Variants in CTBP1 observed in about 807,000 individuals in gnomAD.
CTBP1 encodes C-terminal-binding protein 1.
CTBP1 carries 11 observed loss-of-function variants against 42.1 expected under a neutral mutation model. That is an observed-to-expected ratio of 0.26 (90% CI 0.16 to 0.43). The LOEUF is 0.43. Ranked by LOEUF, CTBP1 falls within the 20% of genes least tolerant of loss-of-function variation. The pLI, the probability that CTBP1 is intolerant of heterozygous loss-of-function variation, is 1.00. For missense variants in CTBP1, 399 were observed against 624.3 expected, an observed-to-expected ratio of 0.64 and a Z score of 3.85; for synonymous variants, 324 against 277.1, an observed-to-expected ratio of 1.17 and a Z score of -1.68.
Position 1,242,068 on chromosome 4 carries a change from C to A in CTBP1, c.-188-549G>T, listed in dbSNP as rs562866651. 8.1e-6 allele frequency: 8 copies of A among 987,366 alleles called. No individual in the cohort carries two copies. In the African/African-American group the frequency reaches 1.4e-4, roughly 17 times the overall value. The allele number at this position is 987,366 out of a possible 1,614,324, so 61.2% of individuals were successfully genotyped here. ...TGAGCCGCGCCGGCTCCACCTCCGA[C>A]CCTCAGTGCATCCTGGCGACGCTCC... On this transcript the variant is annotated intron_variant, in intron 1 of 9. Coordinates refer to ENST00000382952, the MANE Select transcript of CTBP1 (RefSeq NM_001012614.2).
chr4:1,228,055 C>T lies in CTBP1; in HGVS notation c.307+144G>A, dbSNP rs1232103465. 2.7e-6 allele frequency: 3 copies of T among 1,121,264 alleles called. No homozygotes were observed. In the African/African-American group the frequency reaches 4.7e-5, roughly 17 times the overall value. 69.5% of individuals were successfully genotyped at this position (1,121,264 alleles called of 1,614,324 possible). A position where few individuals can be genotyped will look rare whatever the true frequency, so the allele number is the denominator to read the frequency against. ...GAATGGCTGCAACCTCATGCCGGCC[C>T]CAGACGGGACCACGAACCACCGCCA... On this transcript the variant is annotated intron_variant, in intron 4 of 9. Transcript: ENST00000382952.
chr4:1,239,074 G>C (rs1370866309), intron 2 of CTBP1, among the ~76,000 whole-genome samples: 1 of 152,366 alleles, frequency 6.6e-6, no homozygotes, highest in South Asian at 2.1e-4. Flanking sequence ...AGGAAGAAAA[G>C]GGTTAAAACC....
chr4:1,244,515 C>A, intron 1 of CTBP1: 1 of 985,260 alleles, frequency 1.0e-6, no homozygotes, highest in Non-Finnish European at 1.2e-6. Context: ...CACTGGCCAG[C>A]CCTGCTGGGC....
In CTBP1 at chr4:1,214,459, G is replaced by T. The variant is rs1323257573; in HGVS notation, c.744C>A (p.Ala248=). Residue 248 remains alanine (A), a synonymous_variant, in exon 7 of 10, where the codon GCC becomes GCA. Transcript: ENST00000382952. ...DFTVKQMRQG[A]FLVNTARGGL... ...CACCCCGGGCTGTGTTCACCAGGAA[G>T]GCCCCTTGTCTCATCTAGAAGACAT... 1 of 1,590,512 alleles carries T rather than the reference G, an allele frequency of 6.3e-7. No homozygotes were observed. Among genetic ancestry groups the T allele is most frequent in the South Asian group, 1.1e-5 (1 of 87,644 alleles).
chr4:1,215,952 C>T, intron 6 of CTBP1, 39 bp downstream of exon 6: 1 of 1,566,962 alleles, frequency 6.4e-7, no homozygotes, highest in Non-Finnish European at 8.6e-7. Context: ...CTGTACCTGC[C>T]CCGCAGAAGT....
In CTBP1 at chr4:1,221,142, C is replaced by T. The variant is rs1016975164; in HGVS notation, c.514+4218G>A. ...CCTGACGCAGACCACGTGAGGGCTT[C>T]GTAACCAACACGAAAAAGACGGCCG... On this transcript the variant is annotated intron_variant, in intron 5 of 9. Coordinates refer to ENST00000382952, the MANE Select transcript of CTBP1 (RefSeq NM_001012614.2). Among the ~76,000 whole-genome samples the T allele has an allele frequency of 2.5e-4, 38 of 152,342 alleles. 1 individual carries two copies. Among genetic ancestry groups the T allele is most frequent in the East Asian group, 1.9e-4 (1 of 5,188 alleles).
intron 5 of CTBP1, among the ~76,000 whole-genome samples, chr4:1,221,234 G>A (rs1277840248): frequency 6.6e-6 from 1 of 152,142 alleles, no homozygotes; most frequent in Non-Finnish European, 1.5e-5. Context: ...GAAACTATAG[G>A]TTAAAATTAA....
chr4:1,243,396 C>T, intron 1 of CTBP1: 1 of 985,376 alleles, frequency 1.0e-6, no homozygotes, highest in Non-Finnish European at 1.2e-6. Flanking sequence ...CCCTGCCAGA[C>T]CTGAGGGGCT....
chr4:1,241,449 G>T lies in CTBP1; in HGVS notation c.-118C>A. ...GGAGCCTCATCCCACGTCCTTAATT[G>T]TCTCGAGCCAAAGTGCTCAGGCTTC... On this transcript the variant is annotated 5_prime_UTR_variant, in exon 2 of 10. Transcript: ENST00000382952. 6.3e-7 allele frequency: 1 copy of T among 1,584,704 alleles called. No individual in the cohort carries two copies. Among genetic ancestry groups the T allele is most frequent in the Non-Finnish European group, 8.7e-7 (1 of 1,154,956 alleles).
chr4:1,228,139 A>C, intron 4 of CTBP1, 60 bp downstream of exon 4: 1 of 1,595,086 alleles, frequency 6.3e-7, no homozygotes, highest in South Asian at 1.1e-5. Flanking sequence ...TCCATGGACG[A>C]AGCAAGACGG....
intron 1 of CTBP1, 101 bp downstream of exon 1, chr4:1,248,815 G>GCGGGCGCGCGCTCGGTC (rs1733051236): frequency 1.1e-6 from 1 of 923,574 alleles, no homozygotes; most frequent in Non-Finnish European, 1.3e-6. Flanking sequence ...CCGGCGGCCC[G>GCGGGCGCGCGCTCGGTC]CGGGCGCGCG....
intron 8 of CTBP1, among the ~76,000 whole-genome samples, 175 bp from the exon 9 acceptor site, chr4:1,213,205 C>T (rs1028223966): frequency 2.0e-5 from 3 of 151,994 alleles, no homozygotes; most frequent in East Asian, 1.9e-4. Context: ...ACCCTTGCAG[C>T]GTGGGGACCC....
At chr4:1,234,257 T>G (rs1468232177) in intron 3 of CTBP1, among the ~76,000 whole-genome samples, 1 of 152,242 alleles carries the variant, frequency 6.6e-6, no homozygotes, top group African/African-American at 2.4e-5. Context: ...AATGTCCCTG[T>G]GTCTTTGAGC....
chr4:1,246,068 T>C lies in CTBP1; in HGVS notation c.-189+2848A>G, dbSNP rs150624559. 9.4e-3 allele frequency among the ~76,000 whole-genome samples: 1,425 copies of C among 152,170 alleles called. 7 individuals are homozygous for C. The highest frequency in any genetic ancestry group is 0.015 in the Non-Finnish European group (1,037 of 67,980). ...ACATTTCCTTGTGGGAGATACCACA[T>C]GGAATGTGTGGCCGGAGGGGCTTCT... On this transcript the variant is annotated intron_variant, in intron 1 of 9. Coordinates refer to ENST00000382952, the MANE Select transcript of CTBP1 (RefSeq NM_001012614.2).
At position 1,214,407 on chromosome 4, in the gene CTBP1, G is replaced by T; in HGVS notation, c.796C>A (p.Gln266Lys). 6.4e-7 allele frequency: 1 copy of T among 1,573,516 alleles called. No individual in the cohort carries two copies. The highest frequency in any genetic ancestry group is 8.6e-7 in the Non-Finnish European group (1 of 1,163,414). ...CGGATCCGGCCCTCCTTCAGGGCCTGGGCCAGCGCCTTCTCATCCACCAGG... is the reference window on the plus strand; with the variant it reads ...CGGATCCGGCCCTCCTTCAGGGCCTTGGCCAGCGCCTTCTCATCCACCAGG... ...GGLVDEKALA[Q>K]ALKEGRIRGA... Residue 266 changes from glutamine to lysine, a missense_variant, in exon 7 of 10, where the codon CAG becomes AAG. By Grantham distance (53) the Gln-to-Lys change is moderately conservative. Around this residue, in one of 4 missense-constraint regions of CTBP1, gnomAD observed 309 missense variants for 497.5 expected, o/e 0.62. Transcript: ENST00000382952.
chr4:1,242,482 G>A (rs949487772), intron 1 of CTBP1: 32 of 985,052 alleles, frequency 3.2e-5, no homozygotes, highest in South Asian at 4.7e-5. Context: ...CTGTGAGGCC[G>A]CCCCTGCGCA....
chr4:1,242,072 C>T (rs1038780247), intron 1 of CTBP1: 6 of 987,378 alleles, frequency 6.1e-6, no homozygotes, highest in East Asian at 1.1e-4. Context: ...CTCCGACCCT[C>T]AGTGCATCCT....
chr4:1,222,569 T>A (rs576441791), intron 5 of CTBP1, among the ~76,000 whole-genome samples: 2 of 151,832 alleles, frequency 1.3e-5, no homozygotes, highest in Non-Finnish European at 2.9e-5. Flanking sequence ...GACGCCGGGG[T>A]CCCCGCACCT....
intron 4 of CTBP1, among the ~76,000 whole-genome samples, chr4:1,226,346 G>A (rs1256692469): frequency 1.3e-5 from 2 of 152,106 alleles, no homozygotes; most frequent in East Asian, 3.9e-4. Context: ...CCGTCTCCCT[G>A]GGGAGGAGGA....
Sources: gnomAD v4.1 joint callset for allele counts (sites outside exome capture counted in the v4.1 genomes callset) on GRCh38, gnomAD v4.1.1 for gene constraint, gnomAD v4.1.1 regional missense constraint, MANE v1.5 for transcripts, NCBI Gene and HGNC (gene_info 2026-07-23, HGNC 2026-07-21) for gene names.